Variants in ATP9B observed in about 807,000 individuals in gnomAD.
The protein encoded by ATP9B is ATPase phospholipid transporting 9B.
Under a neutral mutation model 146.1 loss-of-function variants are expected in ATP9B, and 110 were observed. The observed-to-expected ratio is 0.75, with a 90% CI of 0.65 to 0.88. The LOEUF (loss-of-function observed/expected upper bound fraction) is 0.88, where lower values mean the gene tolerates loss of function less well. Ranked by LOEUF, ATP9B falls within the 40% of genes least tolerant of loss-of-function variation. The pLI is 0.00. For missense variants in ATP9B, 1,499 were observed against 1,496.4 expected (o/e 1.00, Z -0.03); for synonymous variants, 604 against 569.7 (o/e 1.06, Z -0.86).
At chr18:79,180,629 T>A (rs2095240140) in intron 8 of ATP9B, among the ~76,000 whole-genome samples, 1 of 152,214 alleles carries the variant, frequency 6.6e-6, no homozygotes, top group Non-Finnish European at 1.5e-5. Flanking sequence ...ATGTGTTTGT[T>A]TACCTGTTCT....
In ATP9B at chr18:79,167,811, T is replaced by G. The variant is rs559919944; in HGVS notation, c.779-9002T>G. Among the ~76,000 whole-genome samples the G allele has an allele frequency of 1.4e-3, 219 of 152,260 alleles. 3 individuals carry two copies. Among genetic ancestry groups the G allele is most frequent in the African/African-American group, 5.0e-3 (207 of 41,556 alleles). On this transcript the variant is annotated intron_variant, in intron 7 of 29. Transcript: ENST00000426216. Reference sequence around the variant, plus strand: ...CCGAGGCTTCAGGTTGTTCCTGGCTTGAAGGTAGGGTTTCACAGGGGACCT... The same window carrying G: ...CCGAGGCTTCAGGTTGTTCCTGGCTGGAAGGTAGGGTTTCACAGGGGACCT...
chr18:79,106,912 G>A (rs1407118937), intron 2 of ATP9B, among the ~76,000 whole-genome samples: 1 of 152,180 alleles, frequency 6.6e-6, no homozygotes, highest in African/African-American at 2.4e-5. Context: ...TGCGTTTATA[G>A]TGTCGTTTGT....
At chr18:79,117,069 A>C in intron 4 of ATP9B, 1 of 152,184 alleles carries the variant, frequency 6.6e-6, no homozygotes, top group Non-Finnish European at 1.5e-5. Context: ...TTGTTGGAAT[A>C]CTGTGTAGCT....
rs191463738 is a variant in ATP9B, at chr18:79,198,637, A to T, written c.954+5374A>T. On this transcript the variant is annotated intron_variant, in intron 9 of 29. Coordinates refer to ENST00000426216, the MANE Select transcript of ATP9B (RefSeq NM_198531.5). ...CTCCTGTACTTCAAACTTGTACAAC[A>T]TGTTACTGTGTTTAATAATGTGGGC... 6.0e-4 allele frequency among the ~76,000 whole-genome samples: 91 copies of T among 152,336 alleles called. 1 individual carries two copies. The highest frequency in any genetic ancestry group is 2.9e-3 in the Admixed American group (44 of 15,298).
intron 15 of ATP9B, among the ~76,000 whole-genome samples, chr18:79,309,529 G>A (rs886738027): frequency 6.8e-6 from 1 of 146,236 alleles, no homozygotes; most frequent in African/African-American, 2.5e-5. Context: ...GCAGGTAGAA[G>A]GTCAGGGGTG....
chr18:79,275,933 T>G (rs1227430817), intron 12 of ATP9B, among the ~76,000 whole-genome samples: 1 of 152,234 alleles, frequency 6.6e-6, no homozygotes, highest in African/African-American at 2.4e-5. Flanking sequence ...TTAATGTTCT[T>G]TAACTTACAT....
intron 15 of ATP9B, among the ~76,000 whole-genome samples, chr18:79,317,371 C>G (rs1438609028): frequency 6.6e-6 from 1 of 151,994 alleles, no homozygotes; most frequent in Admixed American, 6.5e-5. Flanking sequence ...AAGCCAGAGA[C>G]TTGTAGGAAA....
chr18:79,375,555 C>G (rs115609051), intron 29 of ATP9B, 129 bp downstream of exon 29: 1 of 1,488,804 alleles, frequency 6.7e-7, no homozygotes, highest in Non-Finnish European at 8.9e-7. Context: ...TCTGATGTCA[C>G]GTAAACTGGT....
intron 13 of ATP9B, among the ~76,000 whole-genome samples, chr18:79,294,904 A>G (rs1477153360): frequency 1.3e-5 from 2 of 152,206 alleles, no homozygotes; most frequent in African/African-American, 2.4e-5. Context: ...TCAGGAGACT[A>G]TCTGTCTTCT....
chr18:79,191,277 T>G (rs76139263), intron 8 of ATP9B, among the ~76,000 whole-genome samples: 2,529 of 152,316 alleles, frequency 0.017, 83 homozygotes, highest in African/African-American at 0.057. Flanking sequence ...ATTTTTGGTT[T>G]TTAGCAATTT....
chr18:79,234,386 G>T (rs555532879), intron 11 of ATP9B, among the ~76,000 whole-genome samples: 1 of 152,182 alleles, frequency 6.6e-6, no homozygotes, highest in Non-Finnish European at 1.5e-5. Flanking sequence ...GTGTGTCAGC[G>T]TGTGCTCCTG....
At chr18:79,080,772 CTTA>C (rs559226946) in intron 1 of ATP9B, among the ~76,000 whole-genome samples, 302 of 152,208 alleles carry the variant, frequency 2.0e-3, no homozygotes, top group Admixed American at 3.5e-3. Context: ...ATAAATAGCT[CTTA>C]TTATTTTGAG....
At position 79,344,245 on chromosome 18, in the gene ATP9B, C is replaced by A. The variant is rs1159127751; in HGVS notation, c.2383-20C>A. Reference sequence around the variant, plus strand: ...TTAGACAACATTTTAATTTGGGATTCTTTTTCTCCCTTAATGGAGGTAACC... The same window carrying A: ...TTAGACAACATTTTAATTTGGGATTATTTTTCTCCCTTAATGGAGGTAACC... On this transcript the variant is annotated intron_variant, in intron 20 of 29. Coordinates refer to ENST00000426216, the MANE Select transcript of ATP9B (RefSeq NM_198531.5). 5 of 1,608,464 alleles carry A rather than the reference C, an allele frequency of 3.1e-6. No homozygotes were observed. In the African/African-American group the frequency reaches 5.3e-5, roughly 17 times the overall value.
At chr18:79,259,246 C>T (rs1407678267) in intron 12 of ATP9B, among the ~76,000 whole-genome samples, 2 of 152,184 alleles carry the variant, frequency 1.3e-5, no homozygotes, top group Non-Finnish European at 2.9e-5. Flanking sequence ...GTGCATCTCT[C>T]ATAAGAAAAG....
At chr18:79,133,978 T>C (rs751129911) in intron 5 of ATP9B, among the ~76,000 whole-genome samples, 1 of 152,254 alleles carries the variant, frequency 6.6e-6, no homozygotes, top group Non-Finnish European at 1.5e-5. Flanking sequence ...ATCTTTCCTT[T>C]GCGGTAGCAC....
At chr18:79,316,060 G>T (rs547679465) in intron 15 of ATP9B, among the ~76,000 whole-genome samples, 1 of 152,138 alleles carries the variant, frequency 6.6e-6, no homozygotes, top group Non-Finnish European at 1.5e-5. Context: ...ATAATGTCAG[G>T]CAGCAGTTAA....
intron 9 of ATP9B, among the ~76,000 whole-genome samples, chr18:79,200,661 T>A (rs1333125958): frequency 3.5e-3 from 1 of 282 alleles, no homozygotes; most frequent in African/African-American, 0.013. Flanking sequence ...TATCAGATAA[T>A]AAAGGATACA....
chr18:79,106,910 T>C (rs1419485313), intron 2 of ATP9B, among the ~76,000 whole-genome samples: 2 of 152,236 alleles, frequency 1.3e-5, no homozygotes, highest in Non-Finnish European at 2.9e-5. Context: ...CTTGCGTTTA[T>C]AGTGTCGTTT....
intron 20 of ATP9B, among the ~76,000 whole-genome samples, chr18:79,342,761 C>T (rs932312666): frequency 6.6e-6 from 1 of 152,024 alleles, no homozygotes; most frequent in Non-Finnish European, 1.5e-5. Flanking sequence ...AAGAGGCATA[C>T]TGCAATTATT....
Sources: allele counts gnomAD v4.1 joint callset (sites outside exome capture counted in the v4.1 genomes callset), GRCh38; gene constraint gnomAD v4.1.1; transcripts MANE v1.5; gene names NCBI Gene and HGNC (gene_info 2026-07-23, HGNC 2026-07-21).